CFAP70: variants seen among roughly 807,000 people sequenced by gnomAD.
CFAP70 encodes cilia and flagella associated protein 70.
Under a neutral mutation model 137.6 loss-of-function variants are expected in CFAP70, and 81 were observed. The ratio of observed to expected loss-of-function variants is 0.59; its 90% CI spans 0.49 to 0.71. CFAP70 has a LOEUF of 0.71. CFAP70 is among the 30% of genes least tolerant of loss of function. The pLI, the probability that CFAP70 is intolerant of heterozygous loss-of-function variation, is 0.00. For synonymous variants in CFAP70, 382 were observed against 423.6 expected, an observed-to-expected ratio of 0.90 and a Z score of 1.20; for missense variants, 976 against 1,226.7, an observed-to-expected ratio of 0.80 and a Z score of 3.05.
rs903146745 is a variant in CFAP70, at chr10:73,348,287, G to A, written c.349+136C>T. 3.8e-6 allele frequency: 6 copies of A among 1,588,148 alleles called. No homozygotes were observed. In the African/African-American group the frequency reaches 5.4e-5, roughly 14 times the overall value. ...AAAGAAGAAAGGGTTAAGTTGGGAT[G>A]ACTGCAGGCAGAGATAAATGTGCCT... is the stretch of plus-strand genomic sequence containing the variant. On this transcript the variant is annotated intron_variant, in intron 4 of 26. Transcript: ENST00000310715.
At chr10:73,351,926 G>A (rs1316728159) in intron 3 of CFAP70, among the ~76,000 whole-genome samples, 2 of 152,238 alleles carry the variant, frequency 1.3e-5, no homozygotes, top group African/African-American at 4.8e-5. Flanking sequence ...AAGTTGGGGT[G>A]GAAGTCTAGG....
At chr10:73,285,962 A>G (rs2047673485) in intron 19 of CFAP70, among the ~76,000 whole-genome samples, 1 of 152,066 alleles carries the variant, frequency 6.6e-6, no homozygotes, top group South Asian at 2.1e-4. Flanking sequence ...GCATGGGTAT[A>G]TGAGTTTCAA....
At chr10:73,294,641 T>C (rs528493146) in intron 15 of CFAP70, 31 of 152,384 alleles carry the variant, frequency 2.0e-4, no homozygotes, top group African/African-American at 7.0e-4. Context: ...GCATATTCCA[T>C]AATGCTTTGC....
At chr10:73,296,818 A>T (rs2048578364) in intron 15 of CFAP70, 1 of 334,212 alleles carries the variant, frequency 3.0e-6, no homozygotes, top group African/African-American at 2.1e-5. Flanking sequence ...TGTGAAATTT[A>T]TTTTTCTAGG....
At chr10:73,268,499 T>A (rs1471097755) in intron 25 of CFAP70, among the ~76,000 whole-genome samples, 1 of 152,110 alleles carries the variant, frequency 6.6e-6, no homozygotes, top group Non-Finnish European at 1.5e-5. Flanking sequence ...GGGTTATACA[T>A]CTGTATATAT....
chr10:73,348,032 A>G, intron 4 of CFAP70, 124 bp downstream of exon 5: 1 of 811,110 alleles, frequency 1.2e-6, no homozygotes. Context: ...AGAATCTAAC[A>G]CTAAGTGTGC....
At chr10:73,316,477 TATAG>T (rs1165550263) in intron 9 of CFAP70, among the ~76,000 whole-genome samples, 3 of 113,674 alleles carry the variant, frequency 2.6e-5, no homozygotes, top group Admixed American at 8.7e-5. Flanking sequence ...TATATATATA[TATAG>T]ATATAGATAT....
At chr10:73,337,190 T>C (rs1347829707) in intron 6 of CFAP70, among the ~76,000 whole-genome samples, 1 of 152,054 alleles carries the variant, frequency 6.6e-6, no homozygotes, top group Non-Finnish European at 1.5e-5. Flanking sequence ...TTTTAAAAAA[T>C]GAAAAACAGG....
At chr10:73,293,645 G>A (rs1010366154) in intron 15 of CFAP70, 2 of 312,678 alleles carry the variant, frequency 6.4e-6, no homozygotes, top group African/African-American at 4.3e-5. Flanking sequence ...GCTTAGGGCA[G>A]AAATAACTGC....
chr10:73,359,904 A>C (rs80211161), upstream of CFAP70, among the ~76,000 whole-genome samples: 13 of 151,128 alleles, frequency 8.6e-5, no homozygotes, highest in South Asian at 1.5e-3. Context: ...CTAAAAAAAA[A>C]CACACACACA....
intron 11 of CFAP70, among the ~76,000 whole-genome samples, chr10:73,311,083 A>G (rs2049875001): frequency 6.6e-6 from 1 of 152,240 alleles, no homozygotes; most frequent in Admixed American, 6.5e-5. Context: ...AGGTTCAAGA[A>G]TCTGTCATCA....
chr10:73,345,102 T>TTC lies in CFAP70; in HGVS notation c.360_361dup (p.Asn121ArgfsTer26). 6.2e-7 allele frequency: 1 copy of TTC among 1,614,152 alleles called. No individual in the cohort carries two copies. Among genetic ancestry groups the TTC allele is most frequent in the East Asian group, 2.2e-5 (1 of 44,878 alleles). ...TGGAACTTGCAGACCGACCATGTAG[T>TTC]TCTGCCCAGGACCTGTTGGAATGAA... On this transcript the variant is annotated frameshift_variant, in exon 5 of 27. Transcript: ENST00000310715. LOFTEE classifies it high-confidence loss of function.
chr10:73,358,477 G>A (rs975108453), intron 1 of CFAP70, among the ~76,000 whole-genome samples: 1 of 152,252 alleles, frequency 6.6e-6, no homozygotes, highest in Non-Finnish European at 1.5e-5. Context: ...GGAGGCCTCC[G>A]ACGAGAAGCG....
At chr10:73,354,979 T>C (rs2054554038) in intron 1 of CFAP70, 144 bp from the exon 2 acceptor site, 1 of 601,500 alleles carries the variant, frequency 1.7e-6, no homozygotes, top group African/African-American at 1.9e-5. Context: ...CCTTTGCTGT[T>C]GGACAGGCAG....
chr10:73,283,988 G>A (rs1429114231), intron 19 of CFAP70, among the ~76,000 whole-genome samples: 1 of 152,170 alleles, frequency 6.6e-6, no homozygotes, highest in African/African-American at 2.4e-5. Flanking sequence ...AATTATGTTA[G>A]TTTCCTATTG....
intron 2 of CFAP70, 98 bp downstream of exon 2, chr10:73,354,636 G>A (rs2054530952): frequency 1.1e-6 from 1 of 925,174 alleles, no homozygotes; most frequent in Non-Finnish European, 1.7e-6. Context: ...GCTACATAAA[G>A]CCAGGAGGTT....
At chr10:73,329,262 T>TTC (rs2051816730) in intron 8 of CFAP70, among the ~76,000 whole-genome samples, 1 of 152,098 alleles carries the variant, frequency 6.6e-6, no homozygotes, top group African/African-American at 2.4e-5. Context: ...ACACCGCATG[T>TTC]TCTCACTCAT....
chr10:73,341,409 T>C (rs1276143665), exon 6 of CFAP70: 3 of 1,612,252 alleles, frequency 1.9e-6, no homozygotes, highest in African/African-American at 2.7e-5. Flanking sequence ...CTCAGGATGG[T>C]TGAGTTCTCC....
rs1231217524 is a variant in CFAP70, at chr10:73,322,566, T to TTAA, written c.912+396_912+397insTTA. Among the ~76,000 whole-genome samples, 4 of 105,648 alleles carry TTAA rather than the reference T, an allele frequency of 3.8e-5. No individual in the cohort carries two copies. In the East Asian group the frequency reaches 8.2e-4, roughly 22 times the overall value. The allele number at this position is 105,648 out of a possible 152,430, so 69.3% of individuals were successfully genotyped here. On this transcript the variant is annotated intron_variant, in intron 9 of 26. Coordinates refer to ENST00000310715, the Ensembl canonical transcript of CFAP70. ...CACTCCAAAGTGAGACCCACATCTCTAAAAAAAAAAAAAAAAAAAAAGTAC... is the reference window on the plus strand; with the variant it reads ...CACTCCAAAGTGAGACCCACATCTCTTAAAAAAAAAAAAAAAAAAAAAAAGTAC...
Sources: allele counts gnomAD v4.1 joint callset (sites outside exome capture counted in the v4.1 genomes callset), GRCh38; gene constraint gnomAD v4.1.1; transcripts MANE v1.5; gene names NCBI Gene and HGNC (gene_info 2026-07-23, HGNC 2026-07-21).